TPST1: variants seen among roughly 807,000 people sequenced by gnomAD.
The protein encoded by TPST1 is tyrosylprotein sulfotransferase 1.
Under a neutral mutation model 34.8 loss-of-function variants are expected in TPST1, and 20 were observed. That is an observed-to-expected ratio of 0.57 (90% CI 0.40 to 0.84). The LOEUF is 0.84. Ranked by LOEUF, TPST1 falls within the 40% of genes least tolerant of loss-of-function variation. The pLI is 0.00. For missense variants in TPST1, 353 were observed against 455.5 expected (o/e 0.78, Z 2.05); for synonymous variants, 152 against 159.4 (o/e 0.95, Z 0.35).
chr7:66,250,476 T>G (rs768144189), intron 2 of TPST1, among the ~76,000 whole-genome samples: 10 of 152,204 alleles, frequency 6.6e-5, no homozygotes, highest in Non-Finnish European at 1.3e-4. Flanking sequence ...GCACTGTCCT[T>G]TATTGATTAT....
In TPST1 at chr7:66,234,400, TACAC is replaced by T. The variant is rs56139529; in HGVS notation, c.-101-5897_-101-5894del. On this transcript the variant is annotated intron_variant, in intron 1 of 5. Transcript: ENST00000304842. Reference sequence around the variant, plus strand: ...CAAGCTTGAAAAATAAAAGCATGGCTACACACACACACACACACACACACACACA... The same window carrying T: ...CAAGCTTGAAAAATAAAAGCATGGCTACACACACACACACACACACACACA... 4.2e-4 allele frequency among the ~76,000 whole-genome samples: 60 copies of T among 142,948 alleles called. 1 individual carries two copies. The highest frequency in any genetic ancestry group is 9.1e-4 in the South Asian group (4 of 4,414). 93.8% of individuals were successfully genotyped at this position (142,948 alleles called of 152,430 possible).
chr7:66,344,078 T>G (rs1374543912), intron 3 of TPST1, among the ~76,000 whole-genome samples: 1 of 152,106 alleles, frequency 6.6e-6, no homozygotes, highest in East Asian at 1.9e-4. Flanking sequence ...TTCCAAAACT[T>G]AAACTGCAAA....
chr7:66,267,360 C>T (rs1290730150), intron 2 of TPST1, among the ~76,000 whole-genome samples: 2 of 151,996 alleles, frequency 1.3e-5, no homozygotes, highest in Non-Finnish European at 2.9e-5. Context: ...TGTTATTTCA[C>T]GCTGGAGGAC....
At chr7:66,313,098 A>G (rs1363966517) in intron 3 of TPST1, among the ~76,000 whole-genome samples, 1 of 151,830 alleles carries the variant, frequency 6.6e-6, no homozygotes, top group African/African-American at 2.4e-5. Flanking sequence ...GCACAAAAAA[A>G]TGAGCTTTCA....
chr7:66,303,497 C>T (rs1791360674), intron 3 of TPST1, among the ~76,000 whole-genome samples: 1 of 152,038 alleles, frequency 6.6e-6, no homozygotes, highest in Non-Finnish European at 1.5e-5. Flanking sequence ...GCAACCCCCG[C>T]CTCCTGGGTT....
At chr7:66,356,728 G>C (rs975405433) in intron 4 of TPST1, 97 bp from the exon 5 acceptor site, 3 of 1,415,080 alleles carry the variant, frequency 2.1e-6, no homozygotes, top group South Asian at 1.2e-5. Flanking sequence ...AAAGTGAACA[G>C]AGCCTGCGGG....
chr7:66,352,249 A>G (rs1792493759), intron 3 of TPST1, among the ~76,000 whole-genome samples: 1 of 152,140 alleles, frequency 6.6e-6, no homozygotes, highest in African/African-American at 2.4e-5. Context: ...TTTTGTTTTT[A>G]GGGTACCCTG....
chr7:66,318,851 T>C (rs1791691525), intron 3 of TPST1, among the ~76,000 whole-genome samples: 2 of 152,232 alleles, frequency 1.3e-5, no homozygotes, highest in Admixed American at 1.3e-4. Flanking sequence ...ATTCTTGAAA[T>C]GTTGTTTTGT....
At chr7:66,207,850 C>T (rs754291576) in intron 1 of TPST1, among the ~76,000 whole-genome samples, 12 of 152,286 alleles carry the variant, frequency 7.9e-5, no homozygotes, top group Non-Finnish European at 1.5e-4. Flanking sequence ...ACAAACATTA[C>T]TATTTTAAGA....
upstream of TPST1, among the ~76,000 whole-genome samples, chr7:66,203,488 T>A (rs1789057197): frequency 6.9e-6 from 1 of 145,420 alleles, no homozygotes; most frequent in Non-Finnish European, 1.5e-5. Context: ...AAAAACTTCT[T>A]TTTTTTTTTT....
At position 66,317,338 on chromosome 7, in the gene TPST1, T is replaced by C. The variant is rs560499318; in HGVS notation, c.1044+30629T>C. ...TTAGTCTTTTCAAGTAATACTTTCT[T>C]TGGCTGTATTCTGTTGCTCCTTTTC... On this transcript the variant is annotated intron_variant, in intron 3 of 5. Transcript: ENST00000304842. Among the ~76,000 whole-genome samples, 104 of 152,346 alleles carry C rather than the reference T, an allele frequency of 6.8e-4. No homozygotes were observed. The Middle Eastern group carries it at 0.017, about 25-fold the overall frequency.
intron 3 of TPST1, among the ~76,000 whole-genome samples, chr7:66,339,833 T>TAA (rs71526540): frequency 0.039 from 4,356 of 112,440 alleles, 242 homozygotes; most frequent in East Asian, 0.15. Flanking sequence ...CCCCTCAACC[T>TAA]AAAAAAAAAA....
chr7:66,227,910 A>T (rs1789698511), intron 1 of TPST1, among the ~76,000 whole-genome samples: 2 of 152,208 alleles, frequency 1.3e-5, no homozygotes. Context: ...TAGTTATCAT[A>T]GTAATATATC....
intron 3 of TPST1, among the ~76,000 whole-genome samples, chr7:66,315,729 G>A (rs761347609): frequency 1.3e-5 from 2 of 152,144 alleles, no homozygotes; most frequent in Non-Finnish European, 2.9e-5. Flanking sequence ...AATTCCAACA[G>A]TCTAATGGAA....
chr7:66,240,057 GTA>G (rs1216811022), intron 1 of TPST1, among the ~76,000 whole-genome samples: 1 of 151,124 alleles, frequency 6.6e-6, no homozygotes, highest in African/African-American at 2.5e-5. Context: ...AATTTTTTTT[GTA>G]TTTTTTTTTA....
At chr7:66,309,698 T>A (rs572761633) in intron 3 of TPST1, among the ~76,000 whole-genome samples, 4 of 152,320 alleles carry the variant, frequency 2.6e-5, no homozygotes, top group African/African-American at 9.6e-5. Flanking sequence ...TGTTCCTTTT[T>A]CCCTGTTAGT....
intron 1 of TPST1, among the ~76,000 whole-genome samples, chr7:66,222,640 C>T (rs183703213): frequency 7.8e-4 from 118 of 152,092 alleles, no homozygotes; most frequent in Non-Finnish European, 1.3e-3. Flanking sequence ...AGAGAGAAAG[C>T]GGCATGGTAC....
chr7:66,242,119 T>C (rs145804295), intron 2 of TPST1, among the ~76,000 whole-genome samples: 3,810 of 152,290 alleles, frequency 0.025, 76 homozygotes, highest in Admixed American at 0.04. Flanking sequence ...TGATGACTTA[T>C]ATACCTGGAA....
chr7:66,249,147 A>T (rs1407887452), intron 2 of TPST1, among the ~76,000 whole-genome samples: 3 of 152,132 alleles, frequency 2.0e-5, no homozygotes, highest in Admixed American at 2.0e-4. Context: ...ATTTGGGGGG[A>T]CACAAACATT....
Sources: allele counts gnomAD v4.1 joint callset (sites outside exome capture counted in the v4.1 genomes callset), GRCh38; gene constraint gnomAD v4.1.1; transcripts MANE v1.5; gene names NCBI Gene and HGNC (gene_info 2026-07-23, HGNC 2026-07-21).